The following ABCB4 variants were observed in gnomAD, a reference collection of about 807,000 sequenced individuals.
The protein encoded by ABCB4 is phosphatidylcholine translocator ABCB4.
ABCB4 carries 76 observed loss-of-function variants against 145.7 expected under a neutral mutation model. The ratio of observed to expected loss-of-function variants is 0.52; its 90% CI spans 0.43 to 0.63. ABCB4 has a LOEUF of 0.63. Among genes scored for constraint, ABCB4 ranks in the 30% least tolerant of loss-of-function variants. ABCB4 has a pLI of 0.00. For synonymous variants in ABCB4, 517 were observed against 566.8 expected, an observed-to-expected ratio of 0.91 and a Z score of 1.25; for missense variants, 1,234 against 1,553.1, an observed-to-expected ratio of 0.79 and a Z score of 3.45.
chr7:87,463,000 G>T, intron 3 of ABCB4, 92 bp from the exon 4 acceptor site: 2 of 1,221,956 alleles, frequency 1.6e-6, no homozygotes, highest in Non-Finnish European at 2.3e-6. Flanking sequence ...TTTAAAGTCA[G>T]TACTTTTTTA....
At chr7:87,457,147 G>A (rs923149979) in intron 4 of ABCB4, among the ~76,000 whole-genome samples, 3 of 152,092 alleles carry the variant, frequency 2.0e-5, no homozygotes, top group African/African-American at 4.8e-5. Context: ...CGCCAGGCCC[G>A]GTGGCTCACA....
chr7:87,452,837 A>C, intron 6 of ABCB4, 107 bp downstream of exon 6: 1 of 1,257,256 alleles, frequency 8.0e-7, no homozygotes, highest in East Asian at 2.4e-5. Flanking sequence ...TCTAATATAG[A>C]TCAGATGCTC....
chr7:87,386,158 A>G, the ABCB4 span, among the ~76,000 whole-genome samples: 2 of 152,136 alleles, frequency 1.3e-5, no homozygotes, highest in Non-Finnish European at 2.9e-5. Flanking sequence ...TGGTTTTGGT[A>G]TTAGGATAAT....
At chr7:87,468,941 T>TAAAATA (rs1554416079) in intron 3 of ABCB4, among the ~76,000 whole-genome samples, 1 of 138,878 alleles carries the variant, frequency 7.2e-6, no homozygotes, top group African/African-American at 2.9e-5. Flanking sequence ...AAAAAATAAA[T>TAAAATA]AAATAAAATA....
chr7:87,385,701 C>A, the ABCB4 span, among the ~76,000 whole-genome samples: 1 of 152,144 alleles, frequency 6.6e-6, no homozygotes, highest in Non-Finnish European at 1.5e-5. Flanking sequence ...TTGGCTAGGA[C>A]TTCCAATACT....
chr7:87,458,480 C>A (rs1384354670), intron 4 of ABCB4, among the ~76,000 whole-genome samples: 2 of 152,154 alleles, frequency 1.3e-5, no homozygotes, highest in Admixed American at 1.3e-4. Flanking sequence ...GTCCAAGCAT[C>A]CAACAATTCT....
At chr7:87,424,978 G>A (rs1488144354) in intron 16 of ABCB4, among the ~76,000 whole-genome samples, 1 of 151,834 alleles carries the variant, frequency 6.6e-6, no homozygotes, top group African/African-American at 2.4e-5. Flanking sequence ...ATAAAACAGA[G>A]AATATAGAAG....
chr7:87,452,855 T>G, intron 6 of ABCB4, 89 bp downstream of exon 6: 2 of 1,422,820 alleles, frequency 1.4e-6, no homozygotes, highest in East Asian at 2.3e-5. Context: ...CTCAATCTAG[T>G]AACATTTTTC....
the ABCB4 span, among the ~76,000 whole-genome samples, chr7:87,372,741 A>C: frequency 7.9e-5 from 12 of 152,138 alleles, no homozygotes; most frequent in Non-Finnish European, 1.6e-4. Flanking sequence ...TTCACTTAGC[A>C]TAATGTTTTC....
chr7:87,370,528 A>C, the ABCB4 span, among the ~76,000 whole-genome samples: 9,147 of 152,280 alleles, frequency 0.06, 340 homozygotes, highest in South Asian at 0.17. Flanking sequence ...CAGTTGTTCT[A>C]ATTGTTTTCT....
chr7:87,457,809 T>C (rs752527291), intron 4 of ABCB4, among the ~76,000 whole-genome samples: 4 of 152,174 alleles, frequency 2.6e-5, no homozygotes, highest in Non-Finnish European at 5.9e-5. Flanking sequence ...AAGGATTAGA[T>C]AGGGAAACAT....
the ABCB4 span, among the ~76,000 whole-genome samples, chr7:87,393,364 CA>C: frequency 6.6e-6 from 1 of 152,046 alleles, no homozygotes; most frequent in Admixed American, 6.6e-5. Context: ...TTGGTTTGTA[CA>C]AGGTATTTTA....
chr7:87,434,779 T>C (rs1393626221), intron 14 of ABCB4, among the ~76,000 whole-genome samples: 1 of 152,232 alleles, frequency 6.6e-6, no homozygotes, highest in African/African-American at 2.4e-5. Flanking sequence ...AGACATATTT[T>C]CTCAATGAGC....
chr7:87,406,048 C>A, intron 26 of ABCB4: 1 of 573,128 alleles, frequency 1.7e-6, no homozygotes, highest in Non-Finnish European at 3.1e-6. Flanking sequence ...ATGCAGCCCT[C>A]AACCACCAGT....
chr7:87,453,405 A>G (rs190779481), intron 5 of ABCB4, among the ~76,000 whole-genome samples: 69 of 152,084 alleles, frequency 4.5e-4, no homozygotes, highest in African/African-American at 1.7e-3. Flanking sequence ...GCTGGTCTCG[A>G]ACTCCTGACC....
chr7:87,453,622 G>A (rs1811910056), intron 5 of ABCB4, among the ~76,000 whole-genome samples: 1 of 152,108 alleles, frequency 6.6e-6, no homozygotes, highest in South Asian at 2.1e-4. Flanking sequence ...ATAAAGTGAT[G>A]AGCTCCATGA....
At chr7:87,444,574 A>G (rs1811214056) in intron 10 of ABCB4, among the ~76,000 whole-genome samples, 1 of 152,172 alleles carries the variant, frequency 6.6e-6, no homozygotes, top group Non-Finnish European at 1.5e-5. Flanking sequence ...GAAAGTGAAA[A>G]AGATAAAAAC....
chr7:87,406,345 T>C lies in ABCB4; in HGVS notation c.3429A>G (p.Glu1143=), dbSNP rs142576474. 3.1e-6 allele frequency: 5 copies of C among 1,613,974 alleles called. No homozygotes were observed. The African/African-American group carries it at 6.7e-5, about 22-fold the overall frequency. Residue 1143 remains glutamate, a synonymous_variant, in exon 26 of 28, where the codon GAA becomes GAG. Transcript: ENST00000649586. ...GDNSRVVSQD[E]IVSAAKAANI... The stretch of plus-strand genomic sequence containing the variant: ...TGGCAGCTTTGGCTGCACTCACAAT[T>C]TCATCCTGTGATACAACCCGGCTGT...
intron 15 of ABCB4, 24 bp from the exon 16 acceptor site, chr7:87,426,944 A>AGTGCGT: frequency 1.8e-5 from 19 of 1,032,082 alleles, no homozygotes; most frequent in Non-Finnish European, 2.8e-5. Flanking sequence ...AAGACATTAA[A>AGTGCGT]GTGTGTGTGT....
Sources: allele counts gnomAD v4.1 joint callset (sites outside exome capture counted in the v4.1 genomes callset), GRCh38; gene constraint gnomAD v4.1.1; transcripts MANE v1.5; gene names NCBI Gene and HGNC (gene_info 2026-07-23, HGNC 2026-07-21).